UNC5C: variants seen among roughly 807,000 people sequenced by gnomAD.
UNC5C encodes unc-5 netrin receptor C, also known as netrin receptor UNC5C.
UNC5C carries 47 observed loss-of-function variants against 99.8 expected under a neutral mutation model. The ratio of observed to expected loss-of-function variants is 0.47; its 90% CI spans 0.37 to 0.60. The LOEUF (loss-of-function observed/expected upper bound fraction) is 0.60, where lower values mean the gene tolerates loss of function less well. Ranked by LOEUF, UNC5C falls within the 20% of genes least tolerant of loss-of-function variation. The probability of loss-of-function intolerance (pLI) is 0.00; values close to 1 mark genes in which losing one functional copy is unlikely to be tolerated. For missense variants in UNC5C, 1,062 were observed against 1,165.9 expected (o/e 0.91, Z 1.30); for synonymous variants, 487 against 452.2 (o/e 1.08, Z -0.98).
At chr4:95,191,884 C>T (rs1367603025) in intron 12 of UNC5C, among the ~76,000 whole-genome samples, 1 of 137,738 alleles carries the variant, frequency 7.3e-6, no homozygotes, top group Non-Finnish European at 1.6e-5. Flanking sequence ...CACTCACCCT[C>T]CTCCCTTTCT....
At chr4:95,436,014 C>T (rs938785394) in intron 1 of UNC5C, among the ~76,000 whole-genome samples, 2 of 151,882 alleles carry the variant, frequency 1.3e-5, no homozygotes, top group African/African-American at 4.8e-5. Context: ...TGGACAATTT[C>T]CTGTTGTTAT....
rs141020498 is a variant in UNC5C, at chr4:95,426,106, G to A, written c.125-90475C>T. Among the ~76,000 whole-genome samples, 368 of 152,132 alleles carry A rather than the reference G, an allele frequency of 2.4e-3. 1 individual carries two copies. Among genetic ancestry groups the A allele is most frequent in the Middle Eastern group, 0.017 (5 of 294 alleles). On this transcript the variant is annotated intron_variant, in intron 1 of 15. Transcript: ENST00000453304. ...TGAAGGTTTCTGGCAACCCTGTGTC[G>A]GACAAGTTTATCTGTGCCATTTTTC... is the stretch of plus-strand genomic sequence containing the variant.
At chr4:95,547,419 A>G (rs991767076) in intron 1 of UNC5C, among the ~76,000 whole-genome samples, 1 of 151,892 alleles carries the variant, frequency 6.6e-6, no homozygotes, top group Non-Finnish European at 1.5e-5. Flanking sequence ...CCTCTCTAAG[A>G]TCAGAGGGAA....
At chr4:95,376,765 G>A (rs1028122690) in intron 1 of UNC5C, among the ~76,000 whole-genome samples, 1 of 152,158 alleles carries the variant, frequency 6.6e-6, no homozygotes, top group Non-Finnish European at 1.5e-5. Context: ...CTATTGTTGT[G>A]TATAATGAAT....
intron 14 of UNC5C, 133 bp from the exon 15 acceptor site, chr4:95,170,465 T>C: frequency 9.0e-7 from 1 of 1,106,192 alleles, no homozygotes; most frequent in African/African-American, 1.6e-5. Context: ...TTAGGAAGAA[T>C]GGCTTCTTCT....
intron 1 of UNC5C, among the ~76,000 whole-genome samples, chr4:95,348,928 T>G (rs995658521): frequency 1.6e-5 from 2 of 126,254 alleles, no homozygotes; most frequent in Non-Finnish European, 3.1e-5. Context: ...ACAATCGAAC[T>G]CATGGAGAAA....
chr4:95,289,384 G>T (rs1056454590), intron 3 of UNC5C, among the ~76,000 whole-genome samples: 1 of 152,192 alleles, frequency 6.6e-6, no homozygotes, highest in Non-Finnish European at 1.5e-5. Flanking sequence ...TCTGTACTTA[G>T]AAGAGCTTCA....
chr4:95,302,836 C>G (rs1208277261), intron 2 of UNC5C, among the ~76,000 whole-genome samples: 1 of 152,126 alleles, frequency 6.6e-6, no homozygotes, highest in Non-Finnish European at 1.5e-5. Flanking sequence ...GTAAGATAGT[C>G]CTTCCCCTCA....
chr4:95,189,282 C>A (rs577719154), intron 12 of UNC5C, among the ~76,000 whole-genome samples: 1 of 152,158 alleles, frequency 6.6e-6, no homozygotes, highest in Non-Finnish European at 1.5e-5. Flanking sequence ...TTTCACAGTT[C>A]TTTTATTCAA....
intron 4 of UNC5C, among the ~76,000 whole-genome samples, chr4:95,262,892 G>A (rs145477953): frequency 0.022 from 3,402 of 151,620 alleles, 91 homozygotes; most frequent in African/African-American, 0.073. Flanking sequence ...TTGGCCCACC[G>A]CAACCTCTGC....
intron 1 of UNC5C, among the ~76,000 whole-genome samples, chr4:95,455,725 A>C (rs777567325): frequency 6.6e-6 from 1 of 152,100 alleles, no homozygotes; most frequent in African/African-American, 2.4e-5. Flanking sequence ...GTGCATCTGC[A>C]TACAGAGAGA....
intron 1 of UNC5C, among the ~76,000 whole-genome samples, chr4:95,486,174 G>C (rs192951418): frequency 6.6e-6 from 1 of 151,734 alleles, no homozygotes; most frequent in East Asian, 1.9e-4. Flanking sequence ...TATATTTTTA[G>C]AATTTATGAC....
intron 1 of UNC5C, among the ~76,000 whole-genome samples, chr4:95,343,971 A>G (rs1743674615): frequency 6.6e-6 from 1 of 152,098 alleles, no homozygotes; most frequent in Non-Finnish European, 1.5e-5. Flanking sequence ...GGACAAATCT[A>G]AGAGTTATTG....
chr4:95,214,707 T>G (rs956937331), intron 10 of UNC5C, among the ~76,000 whole-genome samples: 2 of 152,218 alleles, frequency 1.3e-5, no homozygotes, highest in Non-Finnish European at 2.9e-5. Context: ...CACAAGCCAA[T>G]ACTTATTTCT....
At chr4:95,425,525 T>C (rs927830160) in intron 1 of UNC5C, among the ~76,000 whole-genome samples, 7 of 152,196 alleles carry the variant, frequency 4.6e-5, no homozygotes, top group African/African-American at 1.7e-4. Context: ...GGTTTCACTG[T>C]GTTAGCCAGG....
intron 1 of UNC5C, among the ~76,000 whole-genome samples, chr4:95,456,402 G>A (rs1051421595): frequency 6.6e-6 from 1 of 152,040 alleles, no homozygotes; most frequent in Non-Finnish European, 1.5e-5. Flanking sequence ...GATGGAAATA[G>A]ACTAACTTGC....
intron 1 of UNC5C, among the ~76,000 whole-genome samples, chr4:95,453,573 C>G (rs1228639120): frequency 6.6e-6 from 1 of 152,070 alleles, no homozygotes; most frequent in Non-Finnish European, 1.5e-5. Context: ...AGGGTCAAAA[C>G]ATCACTAATG....
intron 1 of UNC5C, among the ~76,000 whole-genome samples, chr4:95,348,894 T>C (rs1275197963): frequency 6.7e-6 from 1 of 149,406 alleles, no homozygotes; most frequent in African/African-American, 2.5e-5. Context: ...GGTTCACACA[T>C]ATTTGTGGGA....
intron 1 of UNC5C, among the ~76,000 whole-genome samples, chr4:95,372,267 T>C (rs998162401): frequency 1.3e-5 from 2 of 152,222 alleles, no homozygotes; most frequent in African/African-American, 4.8e-5. Context: ...CTGCAGGATA[T>C]GGCTTATTTA....
Sources: gnomAD v4.1 joint callset for allele counts (sites outside exome capture counted in the v4.1 genomes callset) on GRCh38, gnomAD v4.1.1 for gene constraint, MANE v1.5 for transcripts, NCBI Gene and HGNC (gene_info 2026-07-23, HGNC 2026-07-21) for gene names.